Variants in ATP9B observed in about 807,000 individuals in gnomAD.
ATP9B encodes ATPase phospholipid transporting 9B, also known as probable phospholipid-transporting ATPase IIB.
Under a neutral mutation model 146.1 loss-of-function variants are expected in ATP9B, and 110 were observed. The ratio of observed to expected loss-of-function variants is 0.75; its 90% CI spans 0.65 to 0.88. ATP9B has a LOEUF of 0.88. Ranked by LOEUF, ATP9B falls within the 40% of genes least tolerant of loss-of-function variation. The probability of loss-of-function intolerance (pLI) is 0.00; values close to 1 mark genes in which losing one functional copy is unlikely to be tolerated. For missense variants in ATP9B, 1,499 were observed against 1,496.4 expected (o/e 1.00, Z -0.03); for synonymous variants, 604 against 569.7 (o/e 1.06, Z -0.86).
At position 79,377,732 on chromosome 18, in the gene ATP9B, C is replaced by T. The variant is rs543854454; in HGVS notation, c.*349C>T. On this transcript the variant is annotated 3_prime_UTR_variant, in exon 30 of 30. Transcript: ENST00000426216. ...CCAGGCAAGCCCAGGGCACAGAGGC[C>T]GGGACGGCCTCTCCCTCTCAGTGTG... The T allele has an allele frequency of 1.2e-5, 3 of 253,238 alleles. No individual in the cohort carries two copies. The highest frequency in any genetic ancestry group is 8.6e-5 in the East Asian group (1 of 11,660). 15.7% of individuals were successfully genotyped at this position (253,238 alleles called of 1,614,324 possible).
intron 1 of ATP9B, among the ~76,000 whole-genome samples, chr18:79,088,227 G>C (rs1343649329): frequency 2.6e-5 from 4 of 152,176 alleles, no homozygotes; most frequent in Non-Finnish European, 4.4e-5. Flanking sequence ...CATTAAACTT[G>C]ATAGGATTGT....
chr18:79,345,302 A>C (rs1161441784), intron 21 of ATP9B, 126 bp from the exon 22 acceptor site: 1 of 1,135,906 alleles, frequency 8.8e-7, no homozygotes, highest in Non-Finnish European at 1.3e-6. Flanking sequence ...TTCACAGAAA[A>C]CTGAAAAGAT....
chr18:79,181,671 T>C (rs2095253932), intron 8 of ATP9B, among the ~76,000 whole-genome samples: 1 of 152,230 alleles, frequency 6.6e-6, no homozygotes, highest in Non-Finnish European at 1.5e-5. Flanking sequence ...AACATTTATC[T>C]TTTTCAGTAT....
intron 11 of ATP9B, among the ~76,000 whole-genome samples, chr18:79,243,976 A>C (rs1044378654): frequency 1.3e-5 from 2 of 152,228 alleles, no homozygotes; most frequent in African/African-American, 4.8e-5. Context: ...GTAGAAACTA[A>C]TCTGTATCAT....
chr18:79,157,100 C>T (rs1416429457), intron 7 of ATP9B, among the ~76,000 whole-genome samples: 1 of 152,010 alleles, frequency 6.6e-6, no homozygotes, highest in Non-Finnish European at 1.5e-5. Context: ...GTGGCTCACA[C>T]CTGTAGTCCC....
At chr18:79,359,066 T>A (rs1361767348) in intron 25 of ATP9B, among the ~76,000 whole-genome samples, 3 of 152,088 alleles carry the variant, frequency 2.0e-5, no homozygotes, top group Non-Finnish European at 1.5e-5. Context: ...TCGGTGCTAT[T>A]CCTGACAACT....
chr18:79,203,717 C>A (rs2095509494), intron 9 of ATP9B, among the ~76,000 whole-genome samples: 1 of 152,088 alleles, frequency 6.6e-6, no homozygotes, highest in South Asian at 2.1e-4. Flanking sequence ...ATAGGGAATT[C>A]AGTATTTGGC....
intron 12 of ATP9B, among the ~76,000 whole-genome samples, chr18:79,275,312 C>T (rs1400879759): frequency 6.6e-6 from 1 of 152,208 alleles, no homozygotes; most frequent in Non-Finnish European, 1.5e-5. Flanking sequence ...AACATTTTAG[C>T]TAAGTGGTCC....
At chr18:79,325,818 G>T (rs1443895255) in intron 15 of ATP9B, among the ~76,000 whole-genome samples, 1 of 152,198 alleles carries the variant, frequency 6.6e-6, no homozygotes, top group East Asian at 1.9e-4. Flanking sequence ...CATGGCGTTA[G>T]GCTGTTTTCC....
chr18:79,148,074 A>G (rs2147518101), intron 6 of ATP9B, among the ~76,000 whole-genome samples: 1 of 152,336 alleles, frequency 6.6e-6, no homozygotes, highest in East Asian at 1.9e-4. Context: ...GAAGAAATGG[A>G]CAAATTCTTC....
rs866237758 is a variant in ATP9B, at chr18:79,193,199, G to A, written c.890G>A (p.Ser297Asn). 1 of 1,608,274 alleles carries A rather than the reference G, an allele frequency of 6.2e-7. No homozygotes were observed. Among genetic ancestry groups the A allele is most frequent in the African/African-American group, 1.3e-5 (1 of 74,726 alleles). ...LPALGDLFSI[S>N]AYVYAQKPQM... ...GTATTCCAGGACCTTTTTTCTATCAGTGCTTATGTTTATGCTCAGAAACCA... is the reference window on the plus strand; with the variant it reads ...GTATTCCAGGACCTTTTTTCTATCAATGCTTATGTTTATGCTCAGAAACCA... Residue 297 changes from serine to asparagine, a missense_variant, in exon 9 of 30, where the codon AGT (serine) becomes AAT (asparagine). Physicochemically the swap from Ser to Asn is conservative, Grantham distance 46 (BLOSUM62 1). Transcript: ENST00000426216.
chr18:79,375,555 C>T lies in ATP9B; in HGVS notation c.3307+129C>T, dbSNP rs115609051. 766 of 1,488,926 alleles carry T rather than the reference C, an allele frequency of 5.1e-4. 1 individual carries two copies. In the African/African-American group the frequency reaches 9.2e-3, roughly 18 times the overall value. 92.2% of individuals were successfully genotyped at this position (1,488,926 alleles called of 1,614,324 possible). On this transcript the variant is annotated intron_variant, in intron 29 of 29. Transcript: ENST00000426216. ...GTTCCTCAGGAACTCTCTGATGTCA[C>T]GTAAACTGGTGGCCATGTGCTTGCT...
chr18:79,286,388 T>G (rs1369823620), intron 13 of ATP9B, among the ~76,000 whole-genome samples: 1 of 150,938 alleles, frequency 6.6e-6, no homozygotes, highest in South Asian at 2.1e-4. Flanking sequence ...CAATTGTGAA[T>G]GGGAGTTCAC....
chr18:79,258,538 AAT>A lies in ATP9B; in HGVS notation c.1268+5000_1268+5001del, dbSNP rs377675033. On this transcript the variant is annotated intron_variant, in intron 12 of 29. Coordinates refer to ENST00000426216, the MANE Select transcript of ATP9B (RefSeq NM_198531.5). ...TCCAATGTGTTTATACAGACTTACA[AAT>A]ATGACTATGCATATTTATATCTACA... 2.4e-3 allele frequency among the ~76,000 whole-genome samples: 366 copies of A among 152,344 alleles called. 2 individuals carry two copies. The highest frequency in any genetic ancestry group is 6.4e-3 in the South Asian group (31 of 4,828).
intron 9 of ATP9B, among the ~76,000 whole-genome samples, chr18:79,200,788 T>TGGGGACTGTCG (rs370231088): frequency 1.3e-3 from 47 of 35,430 alleles, no homozygotes; most frequent in Non-Finnish European, 2.1e-3. Context: ...GAAGTAGTGG[T>TGGGGACTGTCG]GGAATTGTTT....
At chr18:79,330,371 T>A (rs1022117502) in intron 17 of ATP9B, among the ~76,000 whole-genome samples, 1 of 151,996 alleles carries the variant, frequency 6.6e-6, no homozygotes, top group Non-Finnish European at 1.5e-5. Context: ...GTTCTCAATT[T>A]CATAAAGGAG....
At chr18:79,274,316 C>A (rs2096284369) in intron 12 of ATP9B, among the ~76,000 whole-genome samples, 1 of 152,184 alleles carries the variant, frequency 6.6e-6, no homozygotes, top group African/African-American at 2.4e-5. Context: ...TGTTTGAAAT[C>A]TGAGCATCAT....
chr18:79,261,065 A>G (rs1322180052), intron 12 of ATP9B, among the ~76,000 whole-genome samples: 14 of 152,148 alleles, frequency 9.2e-5, no homozygotes, highest in Admixed American at 6.5e-5. Flanking sequence ...ACCCGTGCCA[A>G]ATTTAGATGG....
chr18:79,160,864 T>C (rs1033831452), intron 7 of ATP9B, among the ~76,000 whole-genome samples: 4 of 152,148 alleles, frequency 2.6e-5, no homozygotes, highest in Admixed American at 1.3e-4. Flanking sequence ...CTCTGCCTCC[T>C]GGGTTCCAGC....
Sources: allele counts gnomAD v4.1 joint callset (sites outside exome capture counted in the v4.1 genomes callset), GRCh38; gene constraint gnomAD v4.1.1; transcripts MANE v1.5; gene names NCBI Gene and HGNC (gene_info 2026-07-23, HGNC 2026-07-21).